The following ABCG1 variants were observed in gnomAD, a reference collection of about 807,000 sequenced individuals.
ABCG1 encodes the protein ATP-binding cassette sub-family G member 1.
ABCG1 carries 29 observed loss-of-function variants against 69.2 expected under a neutral mutation model. That is an observed-to-expected ratio of 0.42 (90% CI 0.31 to 0.57). The LOEUF (loss-of-function observed/expected upper bound fraction) is 0.57. Ranked by LOEUF, ABCG1 falls within the 20% of genes least tolerant of loss-of-function variation. ABCG1 has a pLI of 0.15. For missense variants in ABCG1, 718 were observed against 898.1 expected (o/e 0.80, Z 2.56); for synonymous variants, 370 against 374.8 (o/e 0.99, Z 0.15).
chr21:42,217,073 T>C (rs1220880411), upstream of ABCG1, among the ~76,000 whole-genome samples: 1 of 149,904 alleles, frequency 6.7e-6, no homozygotes, highest in East Asian at 2.0e-4. Context: ...CCCCTGGCCA[T>C]TCCCAGCAGC....
intron 4 of ABCG1, among the ~76,000 whole-genome samples, chr21:42,275,674 A>T (rs575647899): frequency 6.6e-6 from 1 of 152,304 alleles, no homozygotes; most frequent in African/African-American, 2.4e-5. Flanking sequence ...GTCCTCTCCC[A>T]ACCTCGCCAC....
At chr21:42,269,381 C>T (rs532345) in intron 2 of ABCG1, among the ~76,000 whole-genome samples, 55,240 of 151,996 alleles carry the variant, frequency 0.36, 10,349 homozygotes, top group Middle Eastern at 0.47. Context: ...GCACCCATGG[C>T]TCAGCAGAAG....
At chr21:42,240,609 G>A (rs1052187775) in intron 2 of ABCG1, among the ~76,000 whole-genome samples, 4 of 152,078 alleles carry the variant, frequency 2.6e-5, no homozygotes, top group Non-Finnish European at 5.9e-5. Context: ...CATCACACCC[G>A]GCTAATTTTT....
Position 42,296,221 on chromosome 21 carries a change from C to G in ABCG1, c.1830C>G (p.His610Gln). ...SIYGLDREDLHCDIDETCHFQ... is the reference protein window; with the variant it reads ...SIYGLDREDLQCDIDETCHFQ... ...ATGGCTTAGACCGGGAAGATCTGCACTGTGACATCGACGAGACGTGCCACT... is the reference window on the plus strand; with the variant it reads ...ATGGCTTAGACCGGGAAGATCTGCAGTGTGACATCGACGAGACGTGCCACT... The change falls in exon 15 of 15, where the codon CAC becomes CAG. Residue 610 changes from histidine to glutamine, a missense_variant. Physicochemically the swap from His to Gln is conservative, Grantham distance 24. Around this residue, in one of 2 missense-constraint regions of ABCG1, gnomAD observed 204 missense variants for 323.8 expected, o/e 0.63. Coordinates refer to ENST00000398449, the MANE Select transcript of ABCG1 (RefSeq NM_016818.3). The surrounding 1 kb of genome is among the most constrained non-coding windows in gnomAD (Gnocchi z 5.4). 1.2e-6 allele frequency: 2 copies of G among 1,614,198 alleles called. No homozygotes were observed. Among genetic ancestry groups the G allele is most frequent in the East Asian group, 4.5e-5 (2 of 44,888 alleles).
chr21:42,207,096 G>A (rs2123466601), intron 2 of ABCG1: 1 of 152,228 alleles, frequency 6.6e-6, no homozygotes, highest in South Asian at 2.1e-4. Context: ...TTTATTCTGT[G>A]TGGAGTTTGC....
chr21:42,267,523 G>A (rs1310933855), intron 2 of ABCG1, among the ~76,000 whole-genome samples: 3 of 151,052 alleles, frequency 2.0e-5, no homozygotes, highest in Non-Finnish European at 4.4e-5. Flanking sequence ...TTCTGTCTGG[G>A]TCTGGTCTGG....
At chr21:42,281,289 G>A (rs1306698886) in intron 5 of ABCG1, among the ~76,000 whole-genome samples, 2 of 152,186 alleles carry the variant, frequency 1.3e-5, no homozygotes, top group Admixed American at 1.3e-4. Context: ...GGCAGGGTGG[G>A]GACAATAGCT....
intron 2 of ABCG1, among the ~76,000 whole-genome samples, chr21:42,206,716 CA>C (rs1227196818): frequency 1.3e-5 from 2 of 152,190 alleles, no homozygotes; most frequent in African/African-American, 4.8e-5. Flanking sequence ...CTCAGCCTCT[CA>C]AAGTGCTGTC....
upstream of ABCG1, chr21:42,216,275 A>C (rs1391743240): frequency 2.6e-5 from 9 of 344,122 alleles, no homozygotes; most frequent in Non-Finnish European, 3.5e-5. Flanking sequence ...TAATACAGAC[A>C]GGAAGTGGCT....
intron 2 of ABCG1, among the ~76,000 whole-genome samples, chr21:42,250,708 C>T (rs2068206480): frequency 6.6e-6 from 1 of 152,216 alleles, no homozygotes; most frequent in Non-Finnish European, 1.5e-5. Context: ...CCGCGGTACC[C>T]TCCATGTGGG....
chr21:42,243,417 A>T (rs2068080366), intron 2 of ABCG1, among the ~76,000 whole-genome samples: 1 of 150,862 alleles, frequency 6.6e-6, no homozygotes, highest in African/African-American at 2.5e-5. Flanking sequence ...TCTGTTTCAC[A>T]GAACCATATT....
rs2068954542 is a variant in ABCG1 at position 42,287,045 on chromosome 21, T to C, written c.974-844T>C. On this transcript the variant is annotated intron_variant, in intron 8 of 14. Coordinates refer to ENST00000398449, the MANE Select transcript of ABCG1 (RefSeq NM_016818.3). This position sits in a 1 kb window ranked among gnomAD's most constrained non-coding sequence, Gnocchi z 6.2. Reference sequence around the variant, plus strand: ...AGCTGGGAGGAAGCGGGTAGCTGGCTCTGCCAGAGGGAAGTGCGGAAAAGG... The same window carrying C: ...AGCTGGGAGGAAGCGGGTAGCTGGCCCTGCCAGAGGGAAGTGCGGAAAAGG... 6.6e-6 allele frequency among the ~76,000 whole-genome samples: 1 copy of C among 152,178 alleles called. No individual in the cohort carries two copies. The highest frequency in any genetic ancestry group is 1.5e-5 in the Non-Finnish European group (1 of 68,032).
chr21:42,276,424 C>A lies in ABCG1; in HGVS notation c.538-471C>A, dbSNP rs192385986. On this transcript the variant is annotated intron_variant, in intron 4 of 14. Transcript: ENST00000398449. This position sits in a 1 kb window ranked among gnomAD's most constrained non-coding sequence, Gnocchi z 5.3. ...GTCGCCAAGCCCCTGATGCCTGGGG[C>A]TTTCTTACCTCTAAATGGCCCACAT... The A allele has an allele frequency of 2.3e-3, 365 of 156,592 alleles. 3 individuals carry two copies. The highest frequency in any genetic ancestry group is 6.5e-3 in the Middle Eastern group (2 of 308). The allele number at this position is 156,592 out of a possible 1,614,324, so 9.7% of individuals were successfully genotyped here. A position where few individuals can be genotyped will look rare whatever the true frequency, so the allele number is the denominator to read the frequency against.
intron 2 of ABCG1, among the ~76,000 whole-genome samples, chr21:42,235,362 T>C (rs2067964844): frequency 6.6e-6 from 1 of 152,206 alleles, no homozygotes. Flanking sequence ...TGCGGGAATC[T>C]TCCAGACTCC....
At chr21:42,211,082 C>T (rs995799440), upstream of ABCG1, among the ~76,000 whole-genome samples, 52 of 151,926 alleles carry the variant, frequency 3.4e-4, no homozygotes, top group Middle Eastern at 3.4e-3. Context: ...GCCTCAGCCT[C>T]TGGAGTAGCT....
At chr21:42,293,034 A>T (rs1249867652) in intron 13 of ABCG1, among the ~76,000 whole-genome samples, 1 of 141,278 alleles carries the variant, frequency 7.1e-6, no homozygotes, top group Admixed American at 7.1e-5. Context: ...CACACTACAC[A>T]CTACACACCA....
upstream of ABCG1, among the ~76,000 whole-genome samples, chr21:42,212,763 G>A (rs1024518679): frequency 6.8e-6 from 1 of 146,164 alleles, no homozygotes; most frequent in African/African-American, 2.6e-5. Flanking sequence ...GCACAATCTC[G>A]GCTCACTGCA....
At chr21:42,283,083 G>A (rs952646686) in intron 6 of ABCG1, among the ~76,000 whole-genome samples, 2 of 152,318 alleles carry the variant, frequency 1.3e-5, no homozygotes, top group African/African-American at 4.8e-5. Context: ...TCCCAGGCAG[G>A]ATGGGTGGCC....
rs146271207 is a variant in ABCG1 at position 42,257,447 on chromosome 21, G to C, written c.287-13623G>C. Among the ~76,000 whole-genome samples the C allele has an allele frequency of 2.4e-3, 361 of 152,372 alleles. 2 individuals are homozygous for C. The highest frequency in any genetic ancestry group is 8.4e-3 in the African/African-American group (348 of 41,578). On this transcript the variant is annotated intron_variant, in intron 2 of 14. Coordinates refer to ENST00000398449, the MANE Select transcript of ABCG1 (RefSeq NM_016818.3). ...CTGGTGACTACAAACAGTGTTAGCA[G>C]GACGTACTTGGAGCTCATTTGGCAG...
Sources: gnomAD v4.1 joint callset for allele counts (sites outside exome capture counted in the v4.1 genomes callset) on GRCh38, gnomAD v4.1.1 for gene constraint, gnomAD v4.1.1 regional missense constraint, Gnocchi (gnomAD v3.1) non-coding constraint, MANE v1.5 for transcripts, NCBI Gene and HGNC (gene_info 2026-07-23, HGNC 2026-07-21) for gene names.